Variants in EEF2K observed in about 807,000 individuals in gnomAD.
EEF2K encodes the protein alternative protein EEF2K.
In EEF2K, 70 loss-of-function variants were observed where a neutral mutation model predicts 93.8. The observed-to-expected ratio is 0.75, with a 90% CI of 0.62 to 0.91. The LOEUF (loss-of-function observed/expected upper bound fraction) is 0.91. Ranked by LOEUF, EEF2K falls within the 40% of genes least tolerant of loss-of-function variation. EEF2K has a pLI of 0.00. For missense variants in EEF2K, 935 were observed against 972.9 expected (o/e 0.96, Z 0.52); for synonymous variants, 376 against 380.8 (o/e 0.99, Z 0.15).
intron 2 of EEF2K, among the ~76,000 whole-genome samples, chr16:22,231,076 A>G (rs1040724300): frequency 1.3e-5 from 2 of 152,002 alleles, no homozygotes; most frequent in Non-Finnish European, 2.9e-5. Flanking sequence ...GCAAGTTGAA[A>G]TATAGTATGA....
chr16:22,258,635 G>A lies in EEF2K; in HGVS notation c.1171G>A (p.Asp391Asn), dbSNP rs779295321. 11 of 1,614,042 alleles carry A rather than the reference G, an allele frequency of 6.8e-6. No homozygotes were observed. Among genetic ancestry groups the A allele is most frequent in the East Asian group, 2.2e-5 (1 of 44,868 alleles). The stretch of plus-strand genomic sequence containing the variant: ...CGAGAACATGAGCGACGTGACCTTC[G>A]ACTCTCTCCCTTCTTCCCCATCTTC... The part of the protein sequence containing the change: ...GDENMSDVTF[D>N]SLPSSPSSAT... The change falls in exon 10 of 18, where the codon GAC (aspartate) becomes AAC (asparagine). Residue 391 changes from aspartate (D) to asparagine (N), a missense_variant. By Grantham distance (23) the Asp-to-Asn change is conservative. Transcript: ENST00000263026.
chr16:22,206,968 G>A (rs1244771054), intron 1 of EEF2K, among the ~76,000 whole-genome samples: 3 of 152,204 alleles, frequency 2.0e-5, no homozygotes, highest in Non-Finnish European at 4.4e-5. Context: ...GTGACAGAGA[G>A]TTTGGGGGCC....
Position 22,225,738 on chromosome 16 carries a change from C to T in EEF2K, c.9C>T (p.Asp3=), listed in dbSNP as rs751118481. ...ACGGGCACCCCAGGAACATGGCAGA[C>T]GAAGATCTCATCTTCCGCCTGGAAG... MA[D]EDLIFRLEGV... The change falls in exon 2 of 18, where the codon GAC becomes GAT. Residue 3 remains aspartate, a synonymous_variant. Transcript: ENST00000263026. 3 of 1,613,996 alleles carry T rather than the reference C, an allele frequency of 1.9e-6. No homozygotes were observed. The highest frequency in any genetic ancestry group is 1.3e-5 in the African/African-American group (1 of 75,032).
At chr16:22,217,574 G>GCTGGGATTA (rs2046970882) in intron 1 of EEF2K, among the ~76,000 whole-genome samples, 2 of 152,054 alleles carry the variant, frequency 1.3e-5, no homozygotes, top group Admixed American at 1.3e-4. Context: ...TTCCCGAGTA[G>GCTGGGATTA]CTGGGATTAC....
At chr16:22,214,546 T>C (rs981674280) in intron 1 of EEF2K, among the ~76,000 whole-genome samples, 5 of 151,676 alleles carry the variant, frequency 3.3e-5, no homozygotes, top group Non-Finnish European at 5.9e-5. Flanking sequence ...GCACCTGTAG[T>C]CCCAGGTACA....
At chr16:22,226,051 G>A in intron 2 of EEF2K, 76 bp downstream of exon 2, 1 of 1,569,044 alleles carries the variant, frequency 6.4e-7, no homozygotes, top group South Asian at 1.2e-5. Context: ...GTCGCTGGTT[G>A]GGGACTTCTT....
At position 22,217,208 on chromosome 16, in the gene EEF2K, G is replaced by GAT. The variant is rs1459658959; in HGVS notation, c.-76-8438_-76-8437dup. On this transcript the variant is annotated intron_variant, in intron 1 of 17. Transcript: ENST00000263026. The stretch of plus-strand genomic sequence containing the variant: ...AGAATCAGGAAGCGTATTATTTAGT[G>GAT]ATATATATAGATAGATAGATAGAGA... Among the ~76,000 whole-genome samples, 41 of 132,190 alleles carry GAT rather than the reference G, an allele frequency of 3.1e-4. No homozygotes were observed. In the East Asian group the frequency reaches 6.2e-3, roughly 20 times the overall value. The allele number at this position is 132,190 out of a possible 152,430, so 86.7% of individuals were successfully genotyped here. A position where few individuals can be genotyped will look rare whatever the true frequency, so the allele number is the denominator to read the frequency against.
intron 15 of EEF2K, among the ~76,000 whole-genome samples, chr16:22,268,422 C>T (rs915635333): frequency 2.6e-5 from 4 of 152,022 alleles, no homozygotes; most frequent in African/African-American, 7.2e-5. Context: ...CTGCCCACCT[C>T]AGCCTCCCAA....
chr16:22,261,650 A>T (rs561946391), intron 11 of EEF2K, among the ~76,000 whole-genome samples: 1 of 150,610 alleles, frequency 6.6e-6, no homozygotes, highest in Non-Finnish European at 1.5e-5. Context: ...AGGTCGCACC[A>T]CTGCACTCCA....
rs749106025 is a variant in EEF2K, at chr16:22,256,873, T to C, written c.744T>C (p.Asp248=). ...KYNSNSGFVR[D]DNIRLTPQAF... The stretch of plus-strand genomic sequence containing the variant: ...ACTCCAACTCTGGCTTTGTCCGCGA[T>C]GACAACATCCGCCTGACGCCGCAGG... Residue 248 remains aspartate, a synonymous_variant, in exon 7 of 18, where the codon GAT becomes GAC. Coordinates refer to ENST00000263026, the MANE Select transcript of EEF2K (RefSeq NM_013302.5). 2.2e-5 allele frequency: 35 copies of C among 1,614,048 alleles called. No homozygotes were observed. In the South Asian group the frequency reaches 3.5e-4, roughly 16 times the overall value.
chr16:22,251,375 T>C, intron 6 of EEF2K, 53 bp downstream of exon 6: 1 of 1,587,860 alleles, frequency 6.3e-7, no homozygotes, highest in Admixed American at 1.8e-5. Context: ...CTGGGCACAG[T>C]GTCTGGGAAA....
intron 1 of EEF2K, among the ~76,000 whole-genome samples, chr16:22,212,240 G>C (rs1454868535): frequency 6.6e-6 from 1 of 152,124 alleles, no homozygotes; most frequent in Admixed American, 6.5e-5. Context: ...ATATTTTTAC[G>C]AGCCTTTAGC....
chr16:22,226,869 G>C (rs989489890), intron 2 of EEF2K, among the ~76,000 whole-genome samples: 1 of 152,212 alleles, frequency 6.6e-6, no homozygotes, highest in South Asian at 2.1e-4. Flanking sequence ...GAGCCTAGGA[G>C]ACCAGCCTGG....
At chr16:22,276,065 C>T (rs1010108723) in intron 16 of EEF2K, among the ~76,000 whole-genome samples, 1 of 152,112 alleles carries the variant, frequency 6.6e-6, no homozygotes. Flanking sequence ...CTGCTTAAGC[C>T]TCCTGCGTAG....
intron 15 of EEF2K, among the ~76,000 whole-genome samples, chr16:22,271,072 C>T (rs967606867): frequency 1.3e-5 from 2 of 150,832 alleles, no homozygotes; most frequent in Non-Finnish European, 2.9e-5. Context: ...CAGGTTCAAA[C>T]GATTCTCCTG....
At chr16:22,270,492 TC>T (rs2047568169) in intron 15 of EEF2K, among the ~76,000 whole-genome samples, 1 of 152,080 alleles carries the variant, frequency 6.6e-6, no homozygotes. Context: ...CCTCAAGTGA[TC>T]TGCCTTCCTC....
At chr16:22,268,462 T>C (rs1376825671) in intron 15 of EEF2K, among the ~76,000 whole-genome samples, 1 of 150,330 alleles carries the variant, frequency 6.7e-6, no homozygotes, top group South Asian at 2.2e-4. Context: ...TGAGCCACCA[T>C]GCCGGACTAT....
chr16:22,230,575 G>T (rs1349051270), intron 2 of EEF2K, among the ~76,000 whole-genome samples: 1 of 152,062 alleles, frequency 6.6e-6, no homozygotes, highest in Non-Finnish European at 1.5e-5. Flanking sequence ...AGGCTGGAGT[G>T]CAGTGACATG....
At chr16:22,279,823 C>T (rs149916098) in intron 16 of EEF2K, among the ~76,000 whole-genome samples, 15 of 152,048 alleles carry the variant, frequency 9.9e-5, no homozygotes, top group African/African-American at 3.4e-4. Flanking sequence ...GGTGAAATGC[C>T]GTCTTTACTA....
Sources: allele counts gnomAD v4.1 joint callset (sites outside exome capture counted in the v4.1 genomes callset), GRCh38; gene constraint gnomAD v4.1.1; transcripts MANE v1.5; gene names NCBI Gene and HGNC (gene_info 2026-07-23, HGNC 2026-07-21).